The following PSMA7 variants were observed in gnomAD, a reference collection of about 807,000 sequenced individuals.
The protein encoded by PSMA7 is proteasome 20S subunit alpha 7, also known as proteasome subunit alpha type-7.
PSMA7 carries 5 observed loss-of-function variants against 31.3 expected under a neutral mutation model. The ratio of observed to expected loss-of-function variants is 0.16; its 90% CI spans 0.08 to 0.34. The LOEUF is 0.34. Among genes scored for constraint, PSMA7 ranks in the 10% least tolerant of loss-of-function variants. The pLI is 1.00. For synonymous variants in PSMA7, 155 were observed against 121.9 expected (o/e 1.27, Z -1.79); for missense variants, 217 against 327.5 (o/e 0.66, Z 2.60).
At chr20:62,142,926 G>T (rs1325988080) in intron 1 of PSMA7, among the ~76,000 whole-genome samples, 1 of 150,324 alleles carries the variant, frequency 6.7e-6, no homozygotes, top group South Asian at 2.1e-4. Flanking sequence ...AGATGGCGTC[G>T]TCACGGCCCC....
chr20:62,139,933 TAG>T (rs1280932239), intron 2 of PSMA7, 28 bp from the exon 3 acceptor site: 43 of 1,608,210 alleles, frequency 2.7e-5, no homozygotes, highest in Non-Finnish European at 3.6e-5. Flanking sequence ...AGGCTTCTGC[TAG>T]AGAGACAGCA....
intron 2 of PSMA7, among the ~76,000 whole-genome samples, chr20:62,140,427 A>G (rs112356323): frequency 2.6e-5 from 4 of 152,382 alleles, no homozygotes; most frequent in African/African-American, 9.6e-5. Flanking sequence ...ATGGCGAGGC[A>G]TGGCCTGCAT....
At position 62,139,981 on chromosome 20, in the gene PSMA7, C is replaced by T. The variant is rs1463903721; in HGVS notation, c.224-76G>A. The T allele has an allele frequency of 5.9e-6, 9 of 1,532,398 alleles. No homozygotes were observed. In the South Asian group the frequency reaches 8.4e-5, roughly 14 times the overall value. The allele number at this position is 1,532,398 out of a possible 1,614,324, so 94.9% of individuals were successfully genotyped here. A position where few individuals can be genotyped will look rare whatever the true frequency, so the allele number is the denominator to read the frequency against. On this transcript the variant is annotated intron_variant, in intron 2 of 6. Transcript: ENST00000370873. ...GGTGGGGACAGACACGATGACCCAG[C>T]ATTTAACCTTCCACAGACCCCCCAA...
chr20:62,142,703 G>A (rs1453622921), intron 1 of PSMA7: 1 of 152,398 alleles, frequency 6.6e-6, no homozygotes, highest in African/African-American at 2.4e-5. Flanking sequence ...GCCCACCTGG[G>A]CCTAGAGAAT....
At position 62,136,992 on chromosome 20, in the gene PSMA7, C is replaced by T. The variant is rs371570787; in HGVS notation, c.655-43G>A. ...ATGGTTACCTAAGCCACACAAGGTG[C>T]CAAGGAACCAGCGCCCTCTTCTGGG... is the stretch of plus-strand genomic sequence containing the variant. On this transcript the variant is annotated intron_variant, in intron 6 of 6. Coordinates refer to ENST00000370873, the MANE Select transcript of PSMA7 (RefSeq NM_002792.4). 1.4e-5 allele frequency: 22 copies of T among 1,585,864 alleles called. No individual in the cohort carries two copies. The African/African-American group carries it at 2.6e-4, about 19-fold the overall frequency.
chr20:62,143,257 A>G lies in PSMA7; in HGVS notation c.47T>C (p.Leu16Pro). Reference protein sequence around the residue: ...AITVFSPDGHLFQVEYAQEAV... With the variant: ...AITVFSPDGHPFQVEYAQEAV... Reference sequence around the variant, plus strand: ...CTCCTGCGCGTACTCCACTTGGAAGAGGTGGCCGTCGGGCGAGAAGACGGT... The same window carrying G: ...CTCCTGCGCGTACTCCACTTGGAAGGGGTGGCCGTCGGGCGAGAAGACGGT... The change falls in exon 1 of 7, where the codon CTC becomes CCC. Residue 16 changes from leucine (L) to proline (P), a missense_variant. This residue lies in a region of PSMA7 where 76 missense variants were observed against 96.5 expected (regional missense o/e 0.79). Coordinates refer to ENST00000370873, the MANE Select transcript of PSMA7 (RefSeq NM_002792.4). 1 of 1,476,650 alleles carries G rather than the reference A, an allele frequency of 6.8e-7. No homozygotes were observed. Among genetic ancestry groups the G allele is most frequent in the Non-Finnish European group, 9.0e-7 (1 of 1,106,836 alleles). 91.5% of individuals were successfully genotyped at this position (1,476,650 alleles called of 1,614,324 possible). A position where few individuals can be genotyped will look rare whatever the true frequency, so the allele number is the denominator to read the frequency against.
rs1315694682 is a variant in PSMA7 at position 62,138,288 on chromosome 20, G to A, written c.474C>T (p.Ala158=). 6 of 1,605,408 alleles carry A rather than the reference G, an allele frequency of 3.7e-6. No homozygotes were observed. The highest frequency in any genetic ancestry group is 1.3e-5 in the African/African-American group (1 of 74,838). The part of the protein sequence containing the change: ...DPSGTYHAWK[A]NAIGRGAKSV... Reference sequence around the variant, plus strand: ...ACTTGGCACCCCGACCTATGGCATTGGCCTAAAACAGACACGTATGTTCTC... The same window carrying A: ...ACTTGGCACCCCGACCTATGGCATTAGCCTAAAACAGACACGTATGTTCTC... The change falls in exon 5 of 7, where the codon GCC becomes GCT. Residue 158 remains alanine (A), a splice_region_variant and synonymous_variant. Transcript: ENST00000370873.
intron 2 of PSMA7, among the ~76,000 whole-genome samples, chr20:62,140,280 AC>A (rs1457722773): frequency 2.6e-5 from 4 of 152,232 alleles, no homozygotes; most frequent in Non-Finnish European, 4.4e-5. Flanking sequence ...TTCAGACCAT[AC>A]TTAAATACAG....
intron 2 of PSMA7, 51 bp from the exon 3 acceptor site, chr20:62,139,956 G>T: frequency 1.9e-6 from 3 of 1,592,686 alleles, no homozygotes; most frequent in Non-Finnish European, 2.6e-6. Context: ...CAAACTACAG[G>T]GTGGGGACAG....
intron 3 of PSMA7, 49 bp downstream of exon 3, chr20:62,139,732 G>A (rs749530859): frequency 2.8e-5 from 45 of 1,613,638 alleles, no homozygotes; most frequent in South Asian, 2.5e-4. Flanking sequence ...TGGCGGAGCC[G>A]TGACTGCCCT....
intron 2 of PSMA7, among the ~76,000 whole-genome samples, chr20:62,140,605 T>C (rs1240621818): frequency 3.4e-5 from 3 of 88,944 alleles, no homozygotes; most frequent in African/African-American, 1.5e-4. Flanking sequence ...AGAAGTGTTT[T>C]CATCCATTTA....
In PSMA7 at chr20:62,139,708, G is replaced by A. The variant is rs780179179; in HGVS notation, c.348+73C>T. 3.1e-6 allele frequency: 5 copies of A among 1,610,634 alleles called. No homozygotes were observed. In the Admixed American group the frequency reaches 8.3e-5, roughly 27 times the overall value. On this transcript the variant is annotated intron_variant, in intron 3 of 6. Transcript: ENST00000370873. ...TTTTCTGATTCACCTGAAGTGACAT[G>A]GCAGGACCCTCCATGGCGGAGCCGT...
chr20:62,140,815 T>C lies in PSMA7; in HGVS notation c.223+3A>G. 2 of 1,614,124 alleles carry C rather than the reference T, an allele frequency of 1.2e-6. No homozygotes were observed. Among genetic ancestry groups the C allele is most frequent in the Middle Eastern group, 1.7e-4 (1 of 6,060 alleles). On this transcript the variant is annotated splice_donor_region_variant and intron_variant, in intron 2 of 6. Transcript: ENST00000370873. ...TAAGACAGCGCTCCCCACCGACTCA[T>C]ACCTGCAAAGGCCATGCAGACGTTG... is the stretch of plus-strand genomic sequence containing the variant.
In PSMA7 at chr20:62,138,241, T is replaced by G. The variant is rs2056906712; in HGVS notation, c.521A>C (p.Lys174Thr). The G allele has an allele frequency of 6.2e-7, 1 of 1,613,822 alleles. No individual in the cohort carries two copies. The highest frequency in any genetic ancestry group is 1.3e-5 in the African/African-American group (1 of 74,930). Residue 174 changes from lysine (K) to threonine (T), a missense_variant, in exon 5 of 7, where the codon AAG (lysine) becomes ACG (threonine). Around this residue, in one of 3 missense-constraint regions of PSMA7, gnomAD observed 88 missense variants for 111.6 expected, o/e 0.79. Transcript: ENST00000370873. ...TTCAATGGCTTCGTCAGTATAGTTC[T>G]TCTCCAGGAACTCGCGCACTGACTT... is the stretch of plus-strand genomic sequence containing the variant. Reference protein sequence around the residue: ...GAKSVREFLEKNYTDEAIETD... With the variant: ...GAKSVREFLETNYTDEAIETD...
chr20:62,140,041 G>T, intron 2 of PSMA7, 136 bp from the exon 3 acceptor site: 1 of 1,210,492 alleles, frequency 8.3e-7, no homozygotes, highest in South Asian at 1.5e-5. Context: ...GACTGGCAGC[G>T]GAACCTATCA....
At chr20:62,138,385 T>A (rs748258842) in intron 4 of PSMA7, 95 bp from the exon 5 acceptor site, 95 of 1,478,896 alleles carry the variant, frequency 6.4e-5, no homozygotes, top group Non-Finnish European at 8.4e-5. Flanking sequence ...GCCCAGCCAG[T>A]GGCAGTGGCA....
At chr20:62,142,720 TG>T (rs1055977841) in intron 1 of PSMA7, 1 of 152,362 alleles carries the variant, frequency 6.6e-6, no homozygotes, top group African/African-American at 2.4e-5. Flanking sequence ...GAATAAGTGT[TG>T]CCCCGGAGCG....
intron 2 of PSMA7, 53 bp downstream of exon 2, chr20:62,140,765 T>A (rs2056922823): frequency 6.2e-7 from 1 of 1,600,960 alleles, no homozygotes; most frequent in Non-Finnish European, 8.5e-7. Context: ...TCCAAAGCCC[T>A]ATTCTTCGCT....
intron 4 of PSMA7, 35 bp from the exon 5 acceptor site, chr20:62,138,325 G>T (rs775421692): frequency 6.4e-7 from 1 of 1,562,364 alleles, no homozygotes. Flanking sequence ...CGTGGCATAG[G>T]GCATGACAAC....
Sources: allele counts gnomAD v4.1 joint callset (sites outside exome capture counted in the v4.1 genomes callset), GRCh38; gene constraint gnomAD v4.1.1; regional missense constraint gnomAD v4.1.1; transcripts MANE v1.5; gene names NCBI Gene and HGNC (gene_info 2026-07-23, HGNC 2026-07-21).